PLEKHA7: variants seen among roughly 807,000 people sequenced by gnomAD.
The protein encoded by PLEKHA7 is pleckstrin homology domain containing A7, also known as pleckstrin homology domain-containing family A member 7.
Under a neutral mutation model 170.0 loss-of-function variants are expected in PLEKHA7, and 104 were observed. The ratio of observed to expected loss-of-function variants is 0.61; its 90% CI spans 0.52 to 0.72. The LOEUF is 0.72. PLEKHA7 is among the 30% of genes least tolerant of loss of function. The probability of loss-of-function intolerance (pLI) is 0.00; values close to 1 mark genes in which losing one functional copy is unlikely to be tolerated. For synonymous variants in PLEKHA7, 648 were observed against 660.8 expected (o/e 0.98, Z 0.30); for missense variants, 1,615 against 1,671.7 (o/e 0.97, Z 0.59).
intron 3 of PLEKHA7, among the ~76,000 whole-genome samples, chr11:16,898,720 C>CA (rs1438946159): frequency 6.6e-6 from 1 of 152,202 alleles, no homozygotes; most frequent in Admixed American, 6.5e-5. Flanking sequence ...TACCTTCTCA[C>CA]AGTCCTAAAT....
intron 26 of PLEKHA7, among the ~76,000 whole-genome samples, chr11:16,781,811 G>A (rs940858546): frequency 6.6e-5 from 10 of 152,106 alleles, no homozygotes; most frequent in Admixed American, 6.5e-4. Flanking sequence ...CCACATCCTT[G>A]GCTACTTCTA....
At chr11:16,961,550 T>C (rs1862060237) in intron 3 of PLEKHA7, among the ~76,000 whole-genome samples, 1 of 152,216 alleles carries the variant, frequency 6.6e-6, no homozygotes, top group South Asian at 2.1e-4. Flanking sequence ...CACCCCTGGC[T>C]GTGCCTGGAG....
intron 3 of PLEKHA7, among the ~76,000 whole-genome samples, chr11:16,975,760 T>G (rs1565172029): frequency 6.6e-6 from 1 of 152,178 alleles, no homozygotes; most frequent in Non-Finnish European, 1.5e-5. Flanking sequence ...TTACAAGGGA[T>G]TTTTATTTTC....
chr11:16,889,526 T>C lies in PLEKHA7; in HGVS notation c.222-18344A>G, dbSNP rs183804734. ...CTGAGGTGGAAGGATCACCTGAGCTTGCAAAGTTGAAGCTGCTGTGAGCTG... is the reference window on the plus strand; with the variant it reads ...CTGAGGTGGAAGGATCACCTGAGCTCGCAAAGTTGAAGCTGCTGTGAGCTG... On this transcript the variant is annotated intron_variant, in intron 3 of 26. Coordinates refer to ENST00000531066, the MANE Select transcript of PLEKHA7 (RefSeq NM_001329630.2). 3.5e-3 allele frequency among the ~76,000 whole-genome samples: 528 copies of C among 149,342 alleles called. 3 individuals are homozygous for C. The highest frequency in any genetic ancestry group is 0.012 in the African/African-American group (507 of 40,584).
chr11:16,945,786 C>A (rs1333406343), intron 3 of PLEKHA7, among the ~76,000 whole-genome samples: 1 of 152,176 alleles, frequency 6.6e-6, no homozygotes, highest in African/African-American at 2.4e-5. Flanking sequence ...GCAGTAATGC[C>A]ATATTAAATG....
At chr11:16,866,542 A>C (rs1239068379) in intron 4 of PLEKHA7, among the ~76,000 whole-genome samples, 3 of 151,980 alleles carry the variant, frequency 2.0e-5, no homozygotes, top group African/African-American at 7.3e-5. Context: ...CAGTGAGCTG[A>C]GAGTGCACCA....
At chr11:16,913,875 A>G (rs1478369763) in intron 3 of PLEKHA7, among the ~76,000 whole-genome samples, 2 of 152,262 alleles carry the variant, frequency 1.3e-5, no homozygotes, top group Non-Finnish European at 2.9e-5. Flanking sequence ...AGAGTCCACC[A>G]AAATACACTT....
At chr11:16,823,581 C>T (rs1303327461) in intron 10 of PLEKHA7, among the ~76,000 whole-genome samples, 3 of 152,156 alleles carry the variant, frequency 2.0e-5, no homozygotes, top group African/African-American at 7.2e-5. Flanking sequence ...CCACTTTCCT[C>T]GCCAAGCTCA....
intron 3 of PLEKHA7, among the ~76,000 whole-genome samples, chr11:16,887,385 TCTCC>T (rs1856206779): frequency 9.7e-6 from 1 of 103,604 alleles, no homozygotes; most frequent in African/African-American, 3.0e-5. Context: ...ACGGTCTGCC[TCTCC>T]CTCTCCCCAC....
intron 3 of PLEKHA7, among the ~76,000 whole-genome samples, chr11:16,922,419 G>T (rs773019226): frequency 2.6e-5 from 4 of 152,198 alleles, no homozygotes; most frequent in Non-Finnish European, 5.9e-5. Context: ...CACAAAGCTA[G>T]TAAGTAGCAG....
At chr11:16,858,627 G>A (rs1048661360) in intron 4 of PLEKHA7, among the ~76,000 whole-genome samples, 2 of 151,806 alleles carry the variant, frequency 1.3e-5, no homozygotes, top group African/African-American at 4.8e-5. Flanking sequence ...CGAGTAGCTG[G>A]GATTACAGGC....
At chr11:16,887,395 C>CCCACGGTCTCCCTCTCCCTCTCTTT (rs1565072226) in intron 3 of PLEKHA7, among the ~76,000 whole-genome samples, 16 of 69,662 alleles carry the variant, frequency 2.3e-4, no homozygotes, top group African/African-American at 4.5e-4. Flanking sequence ...TCTCCCTCTC[C>CCCACGGTCTCCCTCTCCCTCTCTTT]CCACGGTCTC....
At chr11:16,881,270 G>A (rs1390504280) in intron 3 of PLEKHA7, 3 of 152,158 alleles carry the variant, frequency 2.0e-5, no homozygotes, top group Non-Finnish European at 4.4e-5. Context: ...GGAAAAGGCA[G>A]GGGACACACT....
intron 8 of PLEKHA7, among the ~76,000 whole-genome samples, chr11:16,846,699 A>G (rs1465671764): frequency 6.6e-6 from 1 of 152,166 alleles, no homozygotes; most frequent in Admixed American, 6.5e-5. Context: ...TGGAAACTTT[A>G]AGACTCTTCT....
chr11:16,888,940 T>C (rs1856405555), intron 3 of PLEKHA7, among the ~76,000 whole-genome samples: 1 of 106,688 alleles, frequency 9.4e-6, no homozygotes, highest in African/African-American at 3.6e-5. Flanking sequence ...CTACTAAAAA[T>C]TAAAAAAAAA....
chr11:16,990,650 A>T (rs1863991993), intron 3 of PLEKHA7, among the ~76,000 whole-genome samples: 1 of 152,162 alleles, frequency 6.6e-6, no homozygotes, highest in African/African-American at 2.4e-5. Context: ...AGCTGAGGGG[A>T]TTTTAAAAGT....
At position 16,968,848 on chromosome 11, in the gene PLEKHA7, T is replaced by C. The variant is rs114614598; in HGVS notation, c.221+45141A>G. The stretch of plus-strand genomic sequence containing the variant: ...TGCAGACTTCTCAGGAACACGCTAG[T>C]ACCTGACAGCCTCCAGAAACGGATC... On this transcript the variant is annotated intron_variant, in intron 3 of 26. Transcript: ENST00000531066. Among the ~76,000 whole-genome samples, 657 of 152,218 alleles carry C rather than the reference T, an allele frequency of 4.3e-3. 5 individuals carry two copies. Among genetic ancestry groups the C allele is most frequent in the African/African-American group, 0.015 (631 of 41,482 alleles).
chr11:16,878,173 A>G (rs1376728904), intron 3 of PLEKHA7, among the ~76,000 whole-genome samples: 2 of 152,124 alleles, frequency 1.3e-5, no homozygotes, highest in African/African-American at 4.8e-5. Flanking sequence ...GCCTCTATCT[A>G]CGAAATATAC....
intron 3 of PLEKHA7, among the ~76,000 whole-genome samples, chr11:16,893,603 T>C: frequency 6.6e-6 from 1 of 152,132 alleles, no homozygotes; most frequent in Non-Finnish European, 1.5e-5. Flanking sequence ...GCTGGTAACT[T>C]TTCCCATTGC....
Sources: allele counts gnomAD v4.1 joint callset (sites outside exome capture counted in the v4.1 genomes callset), GRCh38; gene constraint gnomAD v4.1.1; transcripts MANE v1.5; gene names NCBI Gene and HGNC (gene_info 2026-07-23, HGNC 2026-07-21).